DOCK4: variants seen among roughly 807,000 people sequenced by gnomAD.
DOCK4 encodes dedicator of cytokinesis protein 4.
Under a neutral mutation model 268.1 loss-of-function variants are expected in DOCK4, and 97 were observed. The ratio of observed to expected loss-of-function variants is 0.36; its 90% CI spans 0.31 to 0.43. The LOEUF (loss-of-function observed/expected upper bound fraction) is 0.43, where lower values mean the gene tolerates loss of function less well. Ranked by LOEUF, DOCK4 falls within the 20% of genes least tolerant of loss-of-function variation. The probability of loss-of-function intolerance (pLI) is 1.00; values close to 1 mark genes in which losing one functional copy is unlikely to be tolerated. For synonymous variants in DOCK4, 954 were observed against 887.2 expected (o/e 1.08, Z -1.34); for missense variants, 2,145 against 2,455.7 (o/e 0.87, Z 2.67).
chr7:111,840,866 G>A (rs149980339), intron 25 of DOCK4: 2 of 1,348,816 alleles, frequency 1.5e-6, no homozygotes, highest in East Asian at 4.6e-5. Flanking sequence ...CAGAAAGCCT[G>A]TTCTCTGTGA....
chr7:112,191,704 G>T (rs1255230686), intron 1 of DOCK4, among the ~76,000 whole-genome samples: 2 of 151,998 alleles, frequency 1.3e-5, no homozygotes, highest in African/African-American at 4.8e-5. Context: ...ACATGCTTCA[G>T]GCTGGGACAG....
intron 39 of DOCK4, among the ~76,000 whole-genome samples, chr7:111,762,768 T>TTC (rs1563469530): frequency 3.4e-5 from 4 of 117,870 alleles, no homozygotes; most frequent in African/African-American, 1.2e-4. Flanking sequence ...TTTTCTTTTT[T>TTC]TTTTTTTTTT....
chr7:111,733,137 CTG>C (rs969621634), intron 51 of DOCK4, among the ~76,000 whole-genome samples: 14 of 152,192 alleles, frequency 9.2e-5, no homozygotes, highest in Admixed American at 9.2e-4. Flanking sequence ...GTATGTCGCT[CTG>C]TGATTAGCTG....
chr7:111,796,844 T>G (rs1799930049), intron 30 of DOCK4, among the ~76,000 whole-genome samples: 1 of 152,122 alleles, frequency 6.6e-6, no homozygotes, highest in Non-Finnish European at 1.5e-5. Context: ...GTTGCGTGGG[T>G]AAGCGTGGTT....
chr7:111,890,418 G>A (rs1808195040), intron 16 of DOCK4, among the ~76,000 whole-genome samples: 1 of 152,118 alleles, frequency 6.6e-6, no homozygotes, highest in Non-Finnish European at 1.5e-5. Flanking sequence ...AGGCTTATCT[G>A]TCAGCCATTT....
At chr7:111,920,357 TG>T (rs1793003009) in intron 12 of DOCK4, among the ~76,000 whole-genome samples, 1 of 152,204 alleles carries the variant, frequency 6.6e-6, no homozygotes, top group Admixed American at 6.5e-5. Context: ...CATTTAGCAG[TG>T]TATGCATATA....
At chr7:111,892,368 C>T (rs1236873945) in intron 16 of DOCK4, among the ~76,000 whole-genome samples, 1 of 152,040 alleles carries the variant, frequency 6.6e-6, no homozygotes, top group Non-Finnish European at 1.5e-5. Context: ...GCTGGACTAA[C>T]TTTTTTGATT....
intron 1 of DOCK4, among the ~76,000 whole-genome samples, chr7:112,159,337 C>T (rs886520423): frequency 7.2e-5 from 11 of 152,092 alleles, no homozygotes; most frequent in African/African-American, 2.4e-4. Context: ...GCAGCAGTCC[C>T]TCAACCCTTC....
At chr7:112,118,334 A>T (rs1389097801) in intron 1 of DOCK4, among the ~76,000 whole-genome samples, 1 of 152,134 alleles carries the variant, frequency 6.6e-6, no homozygotes, top group Non-Finnish European at 1.5e-5. Context: ...ATTTATTGTC[A>T]TACTTAACAA....
intron 30 of DOCK4, among the ~76,000 whole-genome samples, chr7:111,796,552 A>G (rs1045405299): frequency 6.6e-6 from 1 of 152,242 alleles, no homozygotes; most frequent in African/African-American, 2.4e-5. Flanking sequence ...AAAGATGGCC[A>G]TTTGGTTTCT....
intron 1 of DOCK4, among the ~76,000 whole-genome samples, chr7:112,117,606 G>A (rs1321160956): frequency 2.0e-5 from 3 of 152,094 alleles, no homozygotes; most frequent in African/African-American, 7.2e-5. Context: ...CCTGACCTCA[G>A]GTGATCCACC....
In DOCK4 at chr7:112,175,023, CT is replaced by C. The variant is rs374362733; in HGVS notation, c.37+31078del. On this transcript the variant is annotated intron_variant, in intron 1 of 52. Coordinates refer to ENST00000428084, the MANE Select transcript of DOCK4 (RefSeq NM_001363540.2). The stretch of plus-strand genomic sequence containing the variant: ...TGGCGCGATCTTGGCTCACTGAAAC[CT>C]GGCTAATTTTTTGTATTTTTAATAG... 4.7e-4 allele frequency among the ~76,000 whole-genome samples: 71 copies of C among 150,538 alleles called. 3 individuals carry two copies. In the East Asian group the frequency reaches 0.012, roughly 26 times the overall value.
At chr7:112,116,963 G>C (rs1173682573) in intron 1 of DOCK4, among the ~76,000 whole-genome samples, 1 of 152,144 alleles carries the variant, frequency 6.6e-6, no homozygotes, top group African/African-American at 2.4e-5. Flanking sequence ...TTTTAAAAGG[G>C]AACAATTTGA....
intron 20 of DOCK4, among the ~76,000 whole-genome samples, chr7:111,870,547 C>A (rs1212802746): frequency 6.6e-6 from 1 of 152,038 alleles, no homozygotes; most frequent in South Asian, 2.1e-4. Context: ...GTCTTGAACT[C>A]CTGACCTCAA....
intron 12 of DOCK4, among the ~76,000 whole-genome samples, chr7:111,923,753 G>A (rs1360467867): frequency 2.0e-5 from 3 of 151,920 alleles, no homozygotes; most frequent in African/African-American, 7.3e-5. Flanking sequence ...ATGTATGCTG[G>A]TCTTTTCATT....
At position 111,780,930 on chromosome 7, in the gene DOCK4, A is replaced by G. The variant is rs143232443; in HGVS notation, c.3585+1934T>C. Among the ~76,000 whole-genome samples, 6 of 152,188 alleles carry G rather than the reference A, an allele frequency of 3.9e-5. No individual in the cohort carries two copies. The East Asian group carries it at 1.2e-3, about 29-fold the overall frequency. ...AGTGTTAAAATTTTCTAGAAGGACT[A>G]TTCTTGGTCAGTGCAAAGCTATCAG... On this transcript the variant is annotated intron_variant, in intron 35 of 52. Coordinates refer to ENST00000428084, the MANE Select transcript of DOCK4 (RefSeq NM_001363540.2).
At chr7:112,110,713 TAA>T (rs1811574642) in intron 1 of DOCK4, among the ~76,000 whole-genome samples, 1 of 152,144 alleles carries the variant, frequency 6.6e-6, no homozygotes, top group South Asian at 2.1e-4. Context: ...CCTTTCAGAT[TAA>T]AGATTCCTCA....
intron 1 of DOCK4, among the ~76,000 whole-genome samples, chr7:112,048,369 C>A: frequency 7.0e-6 from 1 of 142,624 alleles, no homozygotes; most frequent in Non-Finnish European, 1.5e-5. Context: ...CATGGTAAAA[C>A]CCCATCTCTA....
intron 1 of DOCK4, among the ~76,000 whole-genome samples, chr7:112,036,226 CAAA>C (rs547201705): frequency 9.7e-4 from 143 of 147,420 alleles, no homozygotes; most frequent in Middle Eastern, 3.6e-3. Context: ...ATAAACAAAC[CAAA>C]AAAAAAGGAC....
Sources: gnomAD v4.1 joint callset for allele counts (sites outside exome capture counted in the v4.1 genomes callset) on GRCh38, gnomAD v4.1.1 for gene constraint, MANE v1.5 for transcripts, NCBI Gene and HGNC (gene_info 2026-07-23, HGNC 2026-07-21) for gene names.